Variants in CNTN5 observed in about 807,000 individuals in gnomAD.
CNTN5 encodes contactin 5.
In CNTN5, 77 loss-of-function variants were observed where a neutral mutation model predicts 129.1. The observed-to-expected ratio is 0.60, with a 90% CI of 0.50 to 0.72. CNTN5 has a LOEUF of 0.72. Among genes scored for constraint, CNTN5 ranks in the 30% least tolerant of loss-of-function variants. CNTN5 has a pLI of 0.00. For missense variants in CNTN5, 1,478 were observed against 1,328.8 expected, an observed-to-expected ratio of 1.11 and a Z score of -1.75; for synonymous variants, 509 against 465.6, an observed-to-expected ratio of 1.09 and a Z score of -1.20.
intron 4 of CNTN5, among the ~76,000 whole-genome samples, chr11:99,825,431 C>G (rs1002990136): frequency 6.6e-6 from 1 of 151,840 alleles, no homozygotes; most frequent in Non-Finnish European, 1.5e-5. Flanking sequence ...AGTGTTTTCT[C>G]TTTTACTAAT....
intron 1 of CNTN5, among the ~76,000 whole-genome samples, chr11:99,092,588 G>A (rs779738216): frequency 2.6e-5 from 4 of 151,852 alleles, no homozygotes; most frequent in Non-Finnish European, 4.4e-5. Flanking sequence ...TTGAAAAATT[G>A]GAATCAATTT....
intron 3 of CNTN5, among the ~76,000 whole-genome samples, chr11:99,757,101 C>T (rs1441187015): frequency 2.0e-5 from 3 of 151,890 alleles, no homozygotes; most frequent in African/African-American, 7.2e-5. Context: ...TCAGCAGGGT[C>T]GTGTTGTCTC....
At chr11:100,158,781 A>G (rs1391005660) in intron 13 of CNTN5, among the ~76,000 whole-genome samples, 2 of 151,910 alleles carry the variant, frequency 1.3e-5, no homozygotes, top group Non-Finnish European at 2.9e-5. Flanking sequence ...GTTTGGCATT[A>G]TGTTCCAAGG....
intron 8 of CNTN5, among the ~76,000 whole-genome samples, chr11:99,972,327 G>T (rs1455329095): frequency 7.7e-6 from 1 of 130,116 alleles, no homozygotes; most frequent in African/African-American, 3.0e-5. Context: ...CTTCAGATCT[G>T]CCCAGAGTTT....
intron 2 of CNTN5, among the ~76,000 whole-genome samples, chr11:99,552,048 T>C (rs1045243085): frequency 6.6e-6 from 1 of 151,730 alleles, no homozygotes; most frequent in African/African-American, 2.4e-5. Flanking sequence ...ACTGGTATTA[T>C]AGGCAAGTGC....
At chr11:99,521,946 G>T (rs982027393) in intron 2 of CNTN5, among the ~76,000 whole-genome samples, 3 of 152,090 alleles carry the variant, frequency 2.0e-5, no homozygotes, top group Non-Finnish European at 4.4e-5. Flanking sequence ...CTTTACCTTT[G>T]CAGTAAGTTT....
At chr11:99,788,601 A>G (rs1945622431) in intron 3 of CNTN5, among the ~76,000 whole-genome samples, 1 of 151,950 alleles carries the variant, frequency 6.6e-6, no homozygotes, top group South Asian at 2.1e-4. Context: ...TAGGCCTTCT[A>G]GAAGTTGATG....
chr11:100,156,353 G>T (rs1181272483), intron 13 of CNTN5, among the ~76,000 whole-genome samples: 1 of 152,026 alleles, frequency 6.6e-6, no homozygotes, highest in Non-Finnish European at 1.5e-5. Flanking sequence ...GGATGAAGCT[G>T]ACTTGATCAT....
At chr11:99,807,981 G>A (rs1946323381) in intron 3 of CNTN5, among the ~76,000 whole-genome samples, 1 of 152,170 alleles carries the variant, frequency 6.6e-6, no homozygotes, top group Admixed American at 6.5e-5. Context: ...CTAAGGGAAA[G>A]AATTAGGCGT....
chr11:99,865,300 A>G (rs1050255027), intron 6 of CNTN5, among the ~76,000 whole-genome samples: 1 of 152,152 alleles, frequency 6.6e-6, no homozygotes, highest in African/African-American at 2.4e-5. Flanking sequence ...TTGAATTCTC[A>G]AGAATAAAGA....
chr11:99,867,203 C>A (rs1404046441), intron 6 of CNTN5, among the ~76,000 whole-genome samples: 1 of 152,102 alleles, frequency 6.6e-6, no homozygotes, highest in African/African-American at 2.4e-5. Context: ...AGATTTAAGA[C>A]CTATCTTTCC....
At chr11:99,406,900 T>TCAGTTAGAAACTGATGAA (rs1942096843) in intron 2 of CNTN5, among the ~76,000 whole-genome samples, 1 of 152,002 alleles carries the variant, frequency 6.6e-6, no homozygotes, top group Admixed American at 6.6e-5. Context: ...CAAGGGCTCT[T>TCAGTTAGAAACTGATGAA]TATTCAGCTT....
In CNTN5 at chr11:99,229,685, C is replaced by A. The variant is rs146544490; in HGVS notation, c.-209-95661C>A. Among the ~76,000 whole-genome samples the A allele has an allele frequency of 2.1e-3, 319 of 152,108 alleles. 2 individuals carry two copies. The highest frequency in any genetic ancestry group is 7.3e-3 in the African/African-American group (305 of 41,522). On this transcript the variant is annotated intron_variant, in intron 1 of 24. Transcript: ENST00000524871. ...AGGAAATCACAAAAGCTTGAAGGGC[C>A]TTCCCCCAGAGGCACCTTGAAAGAA...
chr11:99,190,831 A>AT (rs1858602189), intron 1 of CNTN5, among the ~76,000 whole-genome samples: 3 of 150,958 alleles, frequency 2.0e-5, no homozygotes, highest in South Asian at 2.1e-4. Context: ...TGTAATCTGT[A>AT]TTTTTTTTCT....
chr11:100,348,319 A>G (rs762114918), intron 23 of CNTN5, among the ~76,000 whole-genome samples: 1 of 152,014 alleles, frequency 6.6e-6, no homozygotes, highest in Non-Finnish European at 1.5e-5. Context: ...TTAACTATTA[A>G]TTTAATGTAT....
intron 8 of CNTN5, among the ~76,000 whole-genome samples, chr11:100,000,347 A>G (rs1939779471): frequency 6.6e-6 from 1 of 152,168 alleles, no homozygotes; most frequent in African/African-American, 2.4e-5. Context: ...GCCACAGGCC[A>G]CATGCACATA....
At chr11:99,796,265 G>A (rs544747910) in intron 3 of CNTN5, among the ~76,000 whole-genome samples, 40 of 152,276 alleles carry the variant, frequency 2.6e-4, no homozygotes, top group African/African-American at 9.1e-4. Flanking sequence ...ACCAGCAATG[G>A]TGGCACAGTC....
rs549636483 is a variant in CNTN5, at chr11:99,174,092, A to G, written c.-209-151254A>G. Among the ~76,000 whole-genome samples the G allele has an allele frequency of 4.7e-4, 72 of 152,186 alleles. 1 individual carries two copies. The highest frequency in any genetic ancestry group is 3.1e-3 in the Admixed American group (48 of 15,280). On this transcript the variant is annotated intron_variant, in intron 1 of 24. Transcript: ENST00000524871. ...TGGCTCACTGCAATCACCGCCTCCCAGGTTCAAATGATCTTCCTGCCTCAG... is the reference window on the plus strand; with the variant it reads ...TGGCTCACTGCAATCACCGCCTCCCGGGTTCAAATGATCTTCCTGCCTCAG...
At chr11:100,156,108 T>A (rs1947231489) in intron 13 of CNTN5, among the ~76,000 whole-genome samples, 1 of 152,166 alleles carries the variant, frequency 6.6e-6, no homozygotes, top group African/African-American at 2.4e-5. Flanking sequence ...GCTTCCAGTT[T>A]GTGCCCATTC....
Sources: allele counts gnomAD v4.1 joint callset (sites outside exome capture counted in the v4.1 genomes callset), GRCh38; gene constraint gnomAD v4.1.1; transcripts MANE v1.5; gene names NCBI Gene and HGNC (gene_info 2026-07-23, HGNC 2026-07-21).